ST8SIA6: variants seen among roughly 807,000 people sequenced by gnomAD.
ST8SIA6 encodes alpha-2,8-sialyltransferase 8F.
A neutral mutation model predicts 33.6 loss-of-function variants in ST8SIA6; 39 were observed. That is an observed-to-expected ratio of 1.16 (90% CI 0.90 to 1.52). ST8SIA6 has a LOEUF of 1.52. Among genes scored for constraint, ST8SIA6 ranks in the 40% most tolerant of loss-of-function variants. The pLI is 0.00. For missense variants in ST8SIA6, 441 were observed against 443.8 expected (o/e 0.99, Z 0.06); for synonymous variants, 172 against 167.2 (o/e 1.03, Z -0.22).
At chr10:17,361,517 AACACAC>A (rs35428636) in intron 3 of ST8SIA6, among the ~76,000 whole-genome samples, 76 of 146,122 alleles carry the variant, frequency 5.2e-4, no homozygotes, top group Admixed American at 7.5e-4. Flanking sequence ...CTTCCTACAA[AACACAC>A]ACACACACAC....
intron 2 of ST8SIA6, among the ~76,000 whole-genome samples, chr10:17,399,496 T>C (rs905647545): frequency 5.9e-5 from 9 of 152,210 alleles, no homozygotes; most frequent in African/African-American, 2.2e-4. Flanking sequence ...GCAAATAGTA[T>C]CTGCTTAGTT....
At chr10:17,450,883 AAC>A (rs569111312) in intron 2 of ST8SIA6, among the ~76,000 whole-genome samples, 5 of 151,068 alleles carry the variant, frequency 3.3e-5, no homozygotes, top group South Asian at 2.1e-4. Flanking sequence ...TGAATATTTG[AAC>A]ACACACACAC....
At chr10:17,340,191 G>A (rs561642109) in intron 4 of ST8SIA6, among the ~76,000 whole-genome samples, 17 of 152,096 alleles carry the variant, frequency 1.1e-4, no homozygotes, top group Admixed American at 3.9e-4. Context: ...CGTTCTCTTC[G>A]TCTCCTTGCC....
intron 2 of ST8SIA6, among the ~76,000 whole-genome samples, chr10:17,446,614 A>C (rs1852716989): frequency 6.6e-6 from 1 of 152,202 alleles, no homozygotes. Flanking sequence ...CAGAAAGCAG[A>C]GGAAAAAGAC....
Position 17,318,843 on chromosome 10 carries a change from C to A in ST8SIA6, c.*2035G>T, listed in dbSNP as rs1847852216. On this transcript the variant is annotated 3_prime_UTR_variant, in exon 8 of 8. Transcript: ENST00000377602. ...TGTATTGTAAACATTCATGTTCTAT[C>A]ATATTTTAGAAAGTTCTAAGTAATG... The A allele has an allele frequency of 2.4e-6, 1 of 408,338 alleles. No individual in the cohort carries two copies. The highest frequency in any genetic ancestry group is 4.9e-6 in the Non-Finnish European group (1 of 205,014). 25.3% of individuals were successfully genotyped at this position (408,338 alleles called of 1,614,324 possible). A position where few individuals can be genotyped will look rare whatever the true frequency, so the allele number is the denominator to read the frequency against.
intron 3 of ST8SIA6, among the ~76,000 whole-genome samples, chr10:17,368,874 G>A (rs936531610): frequency 6.6e-6 from 1 of 152,124 alleles, no homozygotes; most frequent in African/African-American, 2.4e-5. Context: ...TCATGAAGGT[G>A]GCAGGAGATG....
intron 3 of ST8SIA6, among the ~76,000 whole-genome samples, chr10:17,367,430 C>G (rs535138046): frequency 6.6e-6 from 1 of 152,088 alleles, no homozygotes; most frequent in Non-Finnish European, 1.5e-5. Flanking sequence ...CCCCCCAGGT[C>G]CTTCCCACAA....
intron 3 of ST8SIA6, among the ~76,000 whole-genome samples, chr10:17,367,191 G>C (rs1265602334): frequency 6.6e-6 from 1 of 152,070 alleles, no homozygotes. Context: ...CCCAAGACTG[G>C]GTAATTCATA....
At chr10:17,448,570 C>G (rs1423243147) in intron 2 of ST8SIA6, among the ~76,000 whole-genome samples, 2 of 151,812 alleles carry the variant, frequency 1.3e-5, no homozygotes, top group African/African-American at 4.9e-5. Context: ...TGGGTACTCA[C>G]TTATGGCATT....
At chr10:17,430,899 G>A (rs921575499) in intron 2 of ST8SIA6, among the ~76,000 whole-genome samples, 1 of 152,108 alleles carries the variant, frequency 6.6e-6, no homozygotes, top group Non-Finnish European at 1.5e-5. Context: ...GACTTGCTCA[G>A]TGTGATCTGG....
At chr10:17,416,417 GC>G (rs750849687) in intron 2 of ST8SIA6, among the ~76,000 whole-genome samples, 2 of 152,172 alleles carry the variant, frequency 1.3e-5, no homozygotes, top group Non-Finnish European at 2.9e-5. Context: ...TCTCCCTTGA[GC>G]TCCAGACTCA....
intron 3 of ST8SIA6, among the ~76,000 whole-genome samples, chr10:17,389,174 C>T (rs951576498): frequency 6.6e-6 from 1 of 152,146 alleles, no homozygotes; most frequent in African/African-American, 2.4e-5. Flanking sequence ...GCCTACCCTC[C>T]AAATTATCTC....
At chr10:17,381,672 G>C (rs1221334244) in intron 3 of ST8SIA6, among the ~76,000 whole-genome samples, 2 of 152,150 alleles carry the variant, frequency 1.3e-5, no homozygotes, top group African/African-American at 4.8e-5. Flanking sequence ...ACTTATCCTT[G>C]CCAAATACTA....
At chr10:17,440,121 A>G (rs930655342) in intron 2 of ST8SIA6, among the ~76,000 whole-genome samples, 1 of 152,160 alleles carries the variant, frequency 6.6e-6, no homozygotes, top group African/African-American at 2.4e-5. Flanking sequence ...GCAATAGGAA[A>G]TTACTCCACA....
intron 4 of ST8SIA6, among the ~76,000 whole-genome samples, chr10:17,337,138 A>T (rs1297221887): frequency 7.3e-6 from 1 of 136,830 alleles, no homozygotes; most frequent in African/African-American, 3.0e-5. Flanking sequence ...AGTGTGAAGC[A>T]CCTCCCCTTC....
At chr10:17,332,920 T>C (rs1848347172) in intron 4 of ST8SIA6, among the ~76,000 whole-genome samples, 1 of 152,214 alleles carries the variant, frequency 6.6e-6, no homozygotes, top group African/African-American at 2.4e-5. Context: ...CTTTTTCTCT[T>C]GTAAATTTGC....
intron 4 of ST8SIA6, among the ~76,000 whole-genome samples, chr10:17,337,993 C>T (rs1382663454): frequency 4.0e-5 from 6 of 151,812 alleles, no homozygotes; most frequent in African/African-American, 1.5e-4. Context: ...TACCCCCACC[C>T]GATTTCCACA....
intron 2 of ST8SIA6, among the ~76,000 whole-genome samples, chr10:17,397,507 T>C (rs565819280): frequency 4.6e-5 from 7 of 152,274 alleles, no homozygotes; most frequent in Non-Finnish European, 8.8e-5. Flanking sequence ...AGTGCTGGGA[T>C]TACAGGCGTG....
intron 3 of ST8SIA6, among the ~76,000 whole-genome samples, chr10:17,383,703 C>T (rs942808993): frequency 6.6e-6 from 1 of 152,166 alleles, no homozygotes; most frequent in Admixed American, 6.5e-5. Context: ...ATTGTGATAT[C>T]AGAATGCAGG....
Sources: gnomAD v4.1 joint callset for allele counts (sites outside exome capture counted in the v4.1 genomes callset) on GRCh38, gnomAD v4.1.1 for gene constraint, MANE v1.5 for transcripts, NCBI Gene and HGNC (gene_info 2026-07-23, HGNC 2026-07-21) for gene names.